TTC33: variants seen among roughly 807,000 people sequenced by gnomAD.
TTC33 encodes tetratricopeptide repeat protein 33.
In TTC33, 24 loss-of-function variants were observed where a neutral mutation model predicts 29.4. That is an observed-to-expected ratio of 0.82 (90% CI 0.59 to 1.15). The LOEUF (loss-of-function observed/expected upper bound fraction) is 1.15, where lower values mean the gene tolerates loss of function less well. Among genes scored for constraint, TTC33 ranks in the 50% most tolerant of loss-of-function variants. The probability of loss-of-function intolerance (pLI) is 0.00; values close to 1 mark genes in which losing one functional copy is unlikely to be tolerated. For missense variants in TTC33, 286 were observed against 310.4 expected, an observed-to-expected ratio of 0.92 and a Z score of 0.59; for synonymous variants, 107 against 100.3, an observed-to-expected ratio of 1.07 and a Z score of -0.40.
rs1317258015 is a variant in TTC33 at position 40,712,740 on chromosome 5, T to C, written c.*3405A>G. ...CTATATCTTAAACTCCCTCCTTTCC[T>C]GGTGAAGTGAGAGAAAGAGATTAGA... is the stretch of plus-strand genomic sequence containing the variant. On this transcript the variant is annotated 3_prime_UTR_variant, in exon 5 of 5. Transcript: ENST00000337702. Among the ~76,000 whole-genome samples, 1 of 152,152 alleles carries C rather than the reference T, an allele frequency of 6.6e-6. No homozygotes were observed. The highest frequency in any genetic ancestry group is 1.5e-5 in the Non-Finnish European group (1 of 68,028).
intron 2 of TTC33, among the ~76,000 whole-genome samples, chr5:40,737,752 A>C (rs989436006): frequency 6.6e-6 from 1 of 152,206 alleles, no homozygotes; most frequent in African/African-American, 2.4e-5. Context: ...ATCTACCCCA[A>C]CTGCTGACCC....
intron 4 of TTC33, among the ~76,000 whole-genome samples, chr5:40,716,889 A>G (rs766289552): frequency 6.6e-6 from 1 of 152,192 alleles, no homozygotes; most frequent in Non-Finnish European, 1.5e-5. Flanking sequence ...GATCCTAACA[A>G]TGTTAACATT....
At position 40,744,067 on chromosome 5, in the gene TTC33, T is replaced by G. The variant is rs1361314071; in HGVS notation, c.221+2731A>C. On this transcript the variant is annotated intron_variant, in intron 2 of 4. Transcript: ENST00000337702. ...TCCACACATTAGTGTGGTTAAAAGTTAATGAACTTTTAACAGGCATTTACA... is the reference window on the plus strand; with the variant it reads ...TCCACACATTAGTGTGGTTAAAAGTGAATGAACTTTTAACAGGCATTTACA... Among the ~76,000 whole-genome samples the G allele has an allele frequency of 2.6e-5, 4 of 152,258 alleles. No homozygotes were observed. In the East Asian group the frequency reaches 7.7e-4, roughly 29 times the overall value.
chr5:40,743,728 C>T (rs1242315538), intron 2 of TTC33, among the ~76,000 whole-genome samples: 1 of 152,026 alleles, frequency 6.6e-6, no homozygotes, highest in Non-Finnish European at 1.5e-5. Flanking sequence ...GAGCCAAGAT[C>T]GCGCCACTGC....
intron 1 of TTC33, among the ~76,000 whole-genome samples, chr5:40,748,068 C>A (rs1487445277): frequency 6.6e-6 from 1 of 152,318 alleles, no homozygotes; most frequent in East Asian, 1.9e-4. Context: ...CTTAGGAGAT[C>A]CGCCCACCTC....
intron 1 of TTC33, among the ~76,000 whole-genome samples, chr5:40,753,375 A>AG (rs1742931646): frequency 6.6e-6 from 1 of 151,062 alleles, no homozygotes; most frequent in Non-Finnish European, 1.5e-5. Flanking sequence ...AAAAAAAAAA[A>AG]GAAAGAAAGA....
chr5:40,727,387 T>C (rs774755590), intron 4 of TTC33, among the ~76,000 whole-genome samples: 31 of 152,332 alleles, frequency 2.0e-4, no homozygotes, highest in Non-Finnish European at 4.1e-4. Context: ...CAGGTGTATA[T>C]AGCCCTGCCA....
At chr5:40,745,284 A>G (rs1579690558) in intron 2 of TTC33, among the ~76,000 whole-genome samples, 1 of 149,898 alleles carries the variant, frequency 6.7e-6, no homozygotes, top group East Asian at 2.0e-4. Flanking sequence ...TAATTTTTGT[A>G]GGTTTGATAA....
rs1024689318 is a variant in TTC33 at position 40,716,142 on chromosome 5, G to A, written c.*3C>T. ...AGATTCAAATAATCCTATGCATACT[G>A]CTTCATCGGGCTTTGATAAAAACAG... is the stretch of plus-strand genomic sequence containing the variant. On this transcript the variant is annotated 3_prime_UTR_variant, in exon 5 of 5. Coordinates refer to ENST00000337702, the MANE Select transcript of TTC33 (RefSeq NM_012382.3). 6.9e-6 allele frequency: 11 copies of A among 1,590,544 alleles called. No homozygotes were observed. The East Asian group carries it at 9.0e-5, about 13-fold the overall frequency.
chr5:40,728,295 A>AAAAAAAAAAAAAT, intron 4 of TTC33, 50 bp downstream of exon 4: 2 of 1,239,896 alleles, frequency 1.6e-6, no homozygotes, highest in Non-Finnish European at 2.2e-6. Context: ...AAAAAAAAAA[A>AAAAAAAAAAAAAT]GTCAAAATAT....
chr5:40,717,433 T>G (rs557427300), intron 4 of TTC33, among the ~76,000 whole-genome samples: 5 of 152,136 alleles, frequency 3.3e-5, no homozygotes, highest in Non-Finnish European at 5.9e-5. Context: ...ATTCATTATA[T>G]TATACTGCTT....
intron 1 of TTC33, among the ~76,000 whole-genome samples, chr5:40,747,321 G>A (rs1274041075): frequency 2.6e-5 from 4 of 152,118 alleles, no homozygotes; most frequent in Non-Finnish European, 4.4e-5. Flanking sequence ...GTCTCCCAAA[G>A]TGCTGGGATT....
Position 40,713,434 on chromosome 5 carries a change from C to T in TTC33, c.*2711G>A, listed in dbSNP as rs186110678. 3.9e-5 allele frequency among the ~76,000 whole-genome samples: 6 copies of T among 152,196 alleles called. No homozygotes were observed. Among genetic ancestry groups the T allele is most frequent in the Admixed American group, 1.3e-4 (2 of 15,272 alleles). On this transcript the variant is annotated 3_prime_UTR_variant, in exon 5 of 5. Coordinates refer to ENST00000337702, the MANE Select transcript of TTC33 (RefSeq NM_012382.3). Reference sequence around the variant, plus strand: ...AAAAAATCTTTATAGTTTTACCATACGGCATCAATTCAAAAGATTGTCATA... The same window carrying T: ...AAAAAATCTTTATAGTTTTACCATATGGCATCAATTCAAAAGATTGTCATA...
chr5:40,725,920 G>T (rs562100286), intron 4 of TTC33, among the ~76,000 whole-genome samples: 1 of 151,566 alleles, frequency 6.6e-6, no homozygotes, highest in Non-Finnish European at 1.5e-5. Context: ...CGAGCAGCTG[G>T]GACTACAGGC....
At chr5:40,732,557 T>C (rs1448173317) in intron 2 of TTC33, among the ~76,000 whole-genome samples, 2 of 151,960 alleles carry the variant, frequency 1.3e-5, no homozygotes, top group African/African-American at 2.4e-5. Flanking sequence ...TTTGTTTATA[T>C]GCTCTACAGT....
chr5:40,749,673 G>A (rs1742858341), intron 1 of TTC33, among the ~76,000 whole-genome samples: 1 of 152,160 alleles, frequency 6.6e-6, no homozygotes, highest in African/African-American at 2.4e-5. Flanking sequence ...CCAGACCACT[G>A]CAATAAAGTG....
At chr5:40,730,923 T>C (rs777385692) in intron 2 of TTC33, among the ~76,000 whole-genome samples, 3 of 152,158 alleles carry the variant, frequency 2.0e-5, no homozygotes, top group Non-Finnish European at 4.4e-5. Flanking sequence ...TAAAAGTATA[T>C]ACAACATTAA....
chr5:40,724,318 A>T (rs529207936), intron 4 of TTC33, among the ~76,000 whole-genome samples: 1 of 152,200 alleles, frequency 6.6e-6, no homozygotes, highest in Non-Finnish European at 1.5e-5. Flanking sequence ...TCTCTAAAAC[A>T]GGCAAATTCA....
chr5:40,732,431 A>G (rs1239611317), intron 2 of TTC33, among the ~76,000 whole-genome samples: 1 of 151,798 alleles, frequency 6.6e-6, no homozygotes, highest in Non-Finnish European at 1.5e-5. Context: ...TCTTAAAAAT[A>G]CAAGACCAAT....
Sources: gnomAD v4.1 joint callset for allele counts (sites outside exome capture counted in the v4.1 genomes callset) on GRCh38, gnomAD v4.1.1 for gene constraint, MANE v1.5 for transcripts, NCBI Gene and HGNC (gene_info 2026-07-23, HGNC 2026-07-21) for gene names.